ASMTL: variants seen among roughly 807,000 people sequenced by gnomAD.
The protein encoded by ASMTL is probable bifunctional dTTP/UTP pyrophosphatase/methyltransferase protein.
Under a neutral mutation model 60.3 loss-of-function variants are expected in ASMTL, and 57 were observed. The ratio of observed to expected loss-of-function variants is 0.95; its 90% CI spans 0.76 to 1.18. ASMTL has a LOEUF of 1.18. Ranked by LOEUF, ASMTL falls within the 50% of genes most tolerant of loss-of-function variation. ASMTL has a pLI of 0.00. For missense variants in ASMTL, 981 were observed against 852.6 expected (o/e 1.15, Z -1.88); for synonymous variants, 419 against 373.0 (o/e 1.12, Z -1.42).
rs377454888 is a variant in ASMTL, at chrX:1,421,673, C to T, written c.1230G>A (p.Ala410=). ...NQHHRALGKK[A]EDLFQDAYYQ... is the part of the protein sequence containing the mutation. ...GTTATGCTACCTGGAACAGATCTTC[C>T]GCCTTCTTCCCCAACGCCCTGTGGT... is the stretch of plus-strand genomic sequence containing the variant. Residue 410 remains alanine, a synonymous_variant, in exon 9 of 13, where the codon GCG becomes GCA. Coordinates refer to ENST00000381317, the MANE Select transcript of ASMTL (RefSeq NM_004192.4). 6.4e-4 allele frequency: 1,025 copies of T among 1,613,892 alleles called. 9 individuals carry two copies. In the South Asian group the frequency reaches 9.1e-3, roughly 14 times the overall value.
chrX:1,419,589 C>CTCCG, intron 9 of ASMTL, among the ~76,000 whole-genome samples: 1 of 152,074 alleles, frequency 6.6e-6, no homozygotes, highest in African/African-American at 2.4e-5. Context: ...CGAGCTTCTC[C>CTCCG]AAGTCCCCCC....
chrX:1,450,453 T>A (rs1462336008), intron 1 of ASMTL, among the ~76,000 whole-genome samples: 3 of 131,636 alleles, frequency 2.3e-5, no homozygotes, highest in African/African-American at 5.8e-5. Flanking sequence ...CCCGGGTTAC[T>A]CTCCCCTCCC....
At chrX:1,447,982 G>A (rs1327974017) in intron 1 of ASMTL, among the ~76,000 whole-genome samples, 4 of 138,160 alleles carry the variant, frequency 2.9e-5, no homozygotes, top group African/African-American at 8.2e-5. Context: ...GACACACACC[G>A]CCATCTTGGA....
chrX:1,452,775 T>G lies in ASMTL; in HGVS notation c.66A>C (p.Pro22=). The G allele has an allele frequency of 6.3e-7, 1 of 1,595,558 alleles. No individual in the cohort carries two copies. The highest frequency in any genetic ancestry group is 8.5e-7 in the Non-Finnish European group (1 of 1,176,844). The change falls in exon 1 of 13, where the codon CCA becomes CCC. Residue 22 remains proline (P), a synonymous_variant. Transcript: ENST00000381317. ...HKRVVLASAS[P]RRQEILSNAG... ...CGTTGCTGAGGATCTCCTGACGGCGTGGGGAGGCGCTGGCCAGCACCACGC... is the reference window on the plus strand; with the variant it reads ...CGTTGCTGAGGATCTCCTGACGGCGGGGGGAGGCGCTGGCCAGCACCACGC...
Position 1,416,781 on chromosome X carries a change from A to AAG in ASMTL, c.1522+1191_1522+1192insCT, listed in dbSNP as rs2090293741. Reference sequence around the variant, plus strand: ...CAGACACATGCACACACAGACGTACACACAAGCACAGCAGTGACATGCACA... The same window carrying AAG: ...CAGACACATGCACACACAGACGTACAAGCACAAGCACAGCAGTGACATGCACA... On this transcript the variant is annotated intron_variant, in intron 11 of 12. Coordinates refer to ENST00000381317, the MANE Select transcript of ASMTL (RefSeq NM_004192.4). Among the ~76,000 whole-genome samples, 3 of 17,390 alleles carry AAG rather than the reference A, an allele frequency of 1.7e-4. No individual in the cohort carries two copies. The South Asian group carries it at 0.016, about 92-fold the overall frequency. 11.4% of individuals were successfully genotyped at this position (17,390 alleles called of 152,430 possible).
chrX:1,435,555 G>T, intron 4 of ASMTL, 139 bp downstream of exon 4: 1 of 808,224 alleles, frequency 1.2e-6, no homozygotes, highest in South Asian at 1.5e-5. Context: ...GCATAGCTCA[G>T]ACAGCACAGC....
At chrX:1,418,752 C>T (rs779202976) in intron 10 of ASMTL, among the ~76,000 whole-genome samples, 15 of 152,164 alleles carry the variant, frequency 9.9e-5, no homozygotes, top group East Asian at 1.9e-4. Context: ...GCCTCAGCTC[C>T]GCAGCCAAAA....
chrX:1,412,837 G>GA lies in ASMTL; in HGVS notation c.1539_1540insT (p.Pro514SerfsTer6), dbSNP rs2090083596. On this transcript the variant is annotated frameshift_variant, in exon 12 of 13. Coordinates refer to ENST00000381317, the MANE Select transcript of ASMTL (RefSeq NM_004192.4). LOFTEE classifies it high-confidence loss of function. ...ACGTACAGCTCAGCGCTGGGGAGGG[G>GA]GTCCCTGAAAAAGTCACCTGGTTTA... The GA allele has an allele frequency of 6.2e-7, 1 of 1,613,736 alleles. No individual in the cohort carries two copies. The highest frequency in any genetic ancestry group is 8.5e-7 in the Non-Finnish European group (1 of 1,179,820).
chrX:1,425,617 T>C lies in ASMTL; in HGVS notation c.968A>G (p.Asp323Gly). 1 of 1,613,804 alleles carries C rather than the reference T, an allele frequency of 6.2e-7. No individual in the cohort carries two copies. The highest frequency in any genetic ancestry group is 8.5e-7 in the Non-Finnish European group (1 of 1,179,824). Residue 323 changes from aspartate (D) to glycine (G), a missense_variant, in exon 8 of 13, where the codon GAT becomes GGT. Physicochemically the swap from Asp to Gly is moderately conservative, Grantham distance 94 (BLOSUM62 -1). Coordinates refer to ENST00000381317, the MANE Select transcript of ASMTL (RefSeq NM_004192.4). ...LKDEAPQKAA[D>G]IASKVDASAC... Reference sequence around the variant, plus strand: ...AGAGGCGTCCACTTTGCTGGCAATATCCGCAGCCTTCTGGGGTGCTTCATC... The same window carrying C: ...AGAGGCGTCCACTTTGCTGGCAATACCCGCAGCCTTCTGGGGTGCTTCATC...
At chrX:1,443,672 G>T (rs2091171147) in intron 1 of ASMTL, among the ~76,000 whole-genome samples, 1 of 147,958 alleles carries the variant, frequency 6.8e-6, no homozygotes, top group Admixed American at 6.7e-5. Flanking sequence ...CCGCCATCAT[G>T]GACACACACC....
At chrX:1,441,115 G>A (rs1458413630) in intron 2 of ASMTL, among the ~76,000 whole-genome samples, 2 of 151,708 alleles carry the variant, frequency 1.3e-5, no homozygotes, top group African/African-American at 2.4e-5. Flanking sequence ...ATTAAAATCC[G>A]ATATTACTTA....
chrX:1,420,368 T>C (rs2090449908), intron 9 of ASMTL, among the ~76,000 whole-genome samples: 1 of 148,796 alleles, frequency 6.7e-6, no homozygotes, highest in Non-Finnish European at 1.5e-5. Context: ...TATCTTTCTG[T>C]CTGCCTATCT....
rs1169801596 is a variant in ASMTL at position 1,431,885 on chromosome X, A to T, written c.509+384T>A. The T allele has an allele frequency of 2.3e-5, 5 of 221,196 alleles. No individual in the cohort carries two copies. The Admixed American group carries it at 2.6e-4, about 11-fold the overall frequency. The allele number at this position is 221,196 out of a possible 1,614,324, so 13.7% of individuals were successfully genotyped here. On this transcript the variant is annotated intron_variant, in intron 6 of 12. Transcript: ENST00000381317. ...CCAATCTGTGGACGGGACGACAGGT[A>T]GAATCACCTCTTAGGGTGACTTTGG...
rs1379049011 is a variant in ASMTL at position 1,452,748 on chromosome X, C to G, written c.93G>C (p.Ala31=). ...TGCCCCGCCCAGGCCCAGGCCGTAC[C>G]GCGTTGCTGAGGATCTCCTGACGGC... ...SPRRQEILSN[A]GLRFEVVPSK... is the part of the protein sequence containing the mutation. Residue 31 remains alanine, a splice_region_variant and synonymous_variant, in exon 1 of 13, where the codon GCG becomes GCC. Coordinates refer to ENST00000381317, the MANE Select transcript of ASMTL (RefSeq NM_004192.4). The G allele has an allele frequency of 6.3e-7, 1 of 1,589,232 alleles. No homozygotes were observed. The highest frequency in any genetic ancestry group is 1.3e-5 in the African/African-American group (1 of 74,462).
intron 7 of ASMTL, 183 bp from the exon 8 acceptor site, chrX:1,425,870 A>G (rs1266977953): frequency 5.5e-6 from 1 of 183,138 alleles, no homozygotes; most frequent in African/African-American, 2.4e-5. Context: ...AGGTGTACAC[A>G]AGGAAAAAGC....
intron 1 of ASMTL, among the ~76,000 whole-genome samples, chrX:1,448,455 C>T (rs1187592389): frequency 1.3e-5 from 2 of 151,388 alleles, no homozygotes; most frequent in African/African-American, 4.9e-5. Flanking sequence ...AAAAGCACCA[C>T]CATCTTGGAC....
chrX:1,416,053 GCA>G (rs2090237781), intron 11 of ASMTL, among the ~76,000 whole-genome samples: 1 of 141,712 alleles, frequency 7.1e-6, no homozygotes, highest in African/African-American at 2.7e-5. Context: ...AGGCACACGC[GCA>G]CAGAGACAGA....
rs1476933970 is a variant in ASMTL at position 1,438,968 on chromosome X, G to C, written c.273+129C>G. The C allele has an allele frequency of 3.8e-5, 39 of 1,030,858 alleles. No individual in the cohort carries two copies. The African/African-American group carries it at 5.5e-4, about 15-fold the overall frequency. The allele number at this position is 1,030,858 out of a possible 1,614,324, so 63.9% of individuals were successfully genotyped here. A position where few individuals can be genotyped will look rare whatever the true frequency, so the allele number is the denominator to read the frequency against. ...GGCCCCTCATCTGCTGGTAGTTTGT[G>C]ATGGGAGTTTCTGGAAGCGAGTCCA... On this transcript the variant is annotated intron_variant, in intron 3 of 12. Coordinates refer to ENST00000381317, the MANE Select transcript of ASMTL (RefSeq NM_004192.4).
At chrX:1,421,630 A>C in intron 9 of ASMTL, 28 bp downstream of exon 9, 2 of 1,612,994 alleles carry the variant, frequency 1.2e-6, no homozygotes, top group Non-Finnish European at 1.7e-6. Flanking sequence ...CGCTAGACGG[A>C]AAGGTGTCCG....
Sources: gnomAD v4.1 joint callset for allele counts (sites outside exome capture counted in the v4.1 genomes callset) on GRCh38, gnomAD v4.1.1 for gene constraint, MANE v1.5 for transcripts, NCBI Gene and HGNC (gene_info 2026-07-23, HGNC 2026-07-21) for gene names.